SLC23A2: variants seen among roughly 807,000 people sequenced by gnomAD.
SLC23A2 encodes Na(+)/L-ascorbic acid transporter 2.
Under a neutral mutation model 73.3 loss-of-function variants are expected in SLC23A2, and 36 were observed. The ratio of observed to expected loss-of-function variants is 0.49; its 90% CI spans 0.38 to 0.65. The LOEUF is 0.65. Among genes scored for constraint, SLC23A2 ranks in the 30% least tolerant of loss-of-function variants. The pLI is 0.00. For synonymous variants in SLC23A2, 343 were observed against 327.3 expected, an observed-to-expected ratio of 1.05 and a Z score of -0.52; for missense variants, 507 against 841.6, an observed-to-expected ratio of 0.60 and a Z score of 4.92.
At chr20:4,999,875 CAA>C (rs2088088612) in intron 1 of SLC23A2, among the ~76,000 whole-genome samples, 1 of 152,060 alleles carries the variant, frequency 6.6e-6, no homozygotes, top group South Asian at 2.1e-4. Context: ...GCAAAGAAAC[CAA>C]AAGAGAAATG....
chr20:4,945,623 A>G (rs79964405), intron 2 of SLC23A2, among the ~76,000 whole-genome samples: 2,702 of 152,316 alleles, frequency 0.018, 83 homozygotes, highest in African/African-American at 0.062. Context: ...ACCTACTAGT[A>G]GGTCATGAAA....
At chr20:4,963,678 T>C (rs1278481970) in intron 2 of SLC23A2, among the ~76,000 whole-genome samples, 1 of 152,020 alleles carries the variant, frequency 6.6e-6, no homozygotes, top group Non-Finnish European at 1.5e-5. Context: ...TGAAAACTCG[T>C]CTCTACTAAA....
intron 1 of SLC23A2, among the ~76,000 whole-genome samples, chr20:4,976,083 G>A (rs931104833): frequency 6.6e-6 from 1 of 150,770 alleles, no homozygotes; most frequent in Admixed American, 6.6e-5. Context: ...TTGATCTCCT[G>A]ACCTTGTGAT....
At chr20:4,967,950 T>A (rs1273629222) in intron 2 of SLC23A2, among the ~76,000 whole-genome samples, 1 of 152,322 alleles carries the variant, frequency 6.6e-6, no homozygotes, top group Admixed American at 6.5e-5. Context: ...GCCTCCTCTT[T>A]TCTCAGTTTA....
At chr20:5,009,922 C>T (rs1430679595) in intron 1 of SLC23A2, among the ~76,000 whole-genome samples, 4 of 151,838 alleles carry the variant, frequency 2.6e-5, no homozygotes, top group Non-Finnish European at 4.4e-5. Context: ...GGTGAAACCC[C>T]GTCTCTACTA....
At chr20:4,983,969 A>G (rs1325448761) in intron 1 of SLC23A2, among the ~76,000 whole-genome samples, 1 of 152,082 alleles carries the variant, frequency 6.6e-6, no homozygotes, top group African/African-American at 2.4e-5. Context: ...AGAAAAAAAA[A>G]AAGACACAGC....
chr20:4,875,199 C>T (rs185373895), intron 9 of SLC23A2, among the ~76,000 whole-genome samples: 19 of 152,318 alleles, frequency 1.2e-4, no homozygotes, highest in African/African-American at 3.8e-4. Context: ...AACTGGTTTT[C>T]CCACTTTTCT....
At chr20:4,900,347 A>G (rs988483959) in intron 5 of SLC23A2, among the ~76,000 whole-genome samples, 1 of 152,252 alleles carries the variant, frequency 6.6e-6, no homozygotes, top group Non-Finnish European at 1.5e-5. Context: ...CTTTTCTGGC[A>G]TAAATTGCTA....
chr20:4,923,553 G>A (rs564168309), intron 3 of SLC23A2, among the ~76,000 whole-genome samples: 1 of 152,138 alleles, frequency 6.6e-6, no homozygotes, highest in East Asian at 1.9e-4. Flanking sequence ...TCCCTGGGCC[G>A]ACTCCAGGAA....
chr20:4,859,695 A>T (rs535465011), intron 15 of SLC23A2, among the ~76,000 whole-genome samples: 1 of 151,508 alleles, frequency 6.6e-6, no homozygotes, highest in Non-Finnish European at 1.5e-5. Flanking sequence ...GTCGGTGGAT[A>T]AAAAAAATTC....
chr20:4,971,881 A>C (rs976327470), intron 1 of SLC23A2, among the ~76,000 whole-genome samples: 1 of 152,042 alleles, frequency 6.6e-6, no homozygotes. Context: ...TCTTTGATTT[A>C]AAAAAAATAA....
chr20:4,878,334 C>T lies in SLC23A2; in HGVS notation c.825-3638G>A, dbSNP rs150985540. 8.0e-3 allele frequency among the ~76,000 whole-genome samples: 1,218 copies of T among 151,852 alleles called. 16 individuals carry two copies. The highest frequency in any genetic ancestry group is 0.028 in the African/African-American group (1,147 of 41,434). Reference sequence around the variant, plus strand: ...CCTGAGTAGCTGAGATTACAGGTGCCCGCCACTACACCCAGCTAATTTTGT... The same window carrying T: ...CCTGAGTAGCTGAGATTACAGGTGCTCGCCACTACACCCAGCTAATTTTGT... On this transcript the variant is annotated intron_variant, in intron 9 of 16. Coordinates refer to ENST00000338244, the MANE Select transcript of SLC23A2 (RefSeq NM_005116.6).
intron 2 of SLC23A2, among the ~76,000 whole-genome samples, chr20:4,956,962 C>G (rs900489776): frequency 3.3e-5 from 5 of 152,018 alleles, no homozygotes; most frequent in African/African-American, 1.2e-4. Flanking sequence ...CATGTGCCAC[C>G]ATGCCCGGCT....
At chr20:4,924,570 G>C (rs74549884) in intron 3 of SLC23A2, among the ~76,000 whole-genome samples, 2,901 of 152,306 alleles carry the variant, frequency 0.019, 99 homozygotes, top group African/African-American at 0.066. Context: ...TCTGCTCAAA[G>C]GCCTCCAAAG....
intron 11 of SLC23A2, among the ~76,000 whole-genome samples, chr20:4,871,115 A>G (rs952911200): frequency 6.6e-6 from 1 of 152,232 alleles, no homozygotes; most frequent in Admixed American, 6.5e-5. Flanking sequence ...ATAAAGGAGT[A>G]GCCCTTCTTC....
intron 3 of SLC23A2, among the ~76,000 whole-genome samples, chr20:4,930,178 C>T (rs1465816660): frequency 3.9e-5 from 6 of 152,012 alleles, no homozygotes; most frequent in South Asian, 4.1e-4. Flanking sequence ...GTTCTTGTCC[C>T]GAAAGTGAAG....
At chr20:4,944,599 C>A (rs1290622983) in intron 2 of SLC23A2, among the ~76,000 whole-genome samples, 2 of 152,168 alleles carry the variant, frequency 1.3e-5, no homozygotes, top group Admixed American at 6.5e-5. Context: ...AGATCACCCA[C>A]ACCTTGGGAT....
intron 3 of SLC23A2, among the ~76,000 whole-genome samples, chr20:4,922,830 TA>T (rs879928439): frequency 0.012 from 1,595 of 132,858 alleles, 25 homozygotes; most frequent in African/African-American, 0.033. Context: ...ACCGTGTCTT[TA>T]AAAAAAAAAA....
intron 12 of SLC23A2, 58 bp from the exon 13 acceptor site, chr20:4,867,933 T>C (rs1930270371): frequency 3.0e-6 from 3 of 990,906 alleles, no homozygotes; most frequent in Non-Finnish European, 4.8e-6. Context: ...GCATTCACTC[T>C]GAAATAGCCT....
Sources: gnomAD v4.1 joint callset for allele counts (sites outside exome capture counted in the v4.1 genomes callset) on GRCh38, gnomAD v4.1.1 for gene constraint, MANE v1.5 for transcripts, NCBI Gene and HGNC (gene_info 2026-07-23, HGNC 2026-07-21) for gene names.